MAGI2: variants seen among roughly 807,000 people sequenced by gnomAD.
MAGI2 encodes membrane-associated guanylate kinase, WW and PDZ domain-containing protein 2.
In MAGI2, 35 loss-of-function variants were observed where a neutral mutation model predicts 133.3. The ratio of observed to expected loss-of-function variants is 0.26; its 90% confidence interval spans 0.20 to 0.35. The LOEUF (loss-of-function observed/expected upper bound fraction) is 0.35, where lower values mean the gene tolerates loss of function less well. Among genes scored for constraint, MAGI2 ranks in the 10% least tolerant of loss-of-function variants. The pLI, the probability that MAGI2 is intolerant of heterozygous loss-of-function variation, is 1.00. For missense variants in MAGI2, 1,636 were observed against 1,863.4 expected (o/e 0.88, Z 2.25); for synonymous variants, 729 against 710.6 (o/e 1.03, Z -0.41).
chr7:79,431,473 T>A (rs1457927281), intron 1 of MAGI2, among the ~76,000 whole-genome samples: 1 of 152,220 alleles, frequency 6.6e-6, no homozygotes, highest in Non-Finnish European at 1.5e-5. Context: ...GGGGAATTTT[T>A]AAATCTTTGC....
intron 10 of MAGI2, among the ~76,000 whole-genome samples, chr7:78,220,700 G>C (rs1324872891): frequency 6.6e-6 from 1 of 152,164 alleles, no homozygotes; most frequent in East Asian, 1.9e-4. Flanking sequence ...AAAAATAATA[G>C]AGTGGACTGG....
intron 1 of MAGI2, among the ~76,000 whole-genome samples, chr7:79,268,879 A>G (rs1173608691): frequency 6.6e-6 from 1 of 152,190 alleles, no homozygotes; most frequent in African/African-American, 2.4e-5. Context: ...AGATGATGAC[A>G]GGAGAAGGTT....
intron 1 of MAGI2, among the ~76,000 whole-genome samples, chr7:79,151,757 T>C (rs1823267619): frequency 6.6e-6 from 1 of 152,094 alleles, no homozygotes; most frequent in Non-Finnish European, 1.5e-5. Flanking sequence ...GAGAACAAGG[T>C]GTTTGTGGAG....
At chr7:79,228,301 C>G (rs924751269) in intron 1 of MAGI2, among the ~76,000 whole-genome samples, 10 of 131,184 alleles carry the variant, frequency 7.6e-5, no homozygotes, top group Non-Finnish European at 1.1e-4. Flanking sequence ...TATGATAACA[C>G]CACTGCACCC....
At chr7:78,384,166 T>A (rs1483782261) in intron 6 of MAGI2, among the ~76,000 whole-genome samples, 3 of 152,192 alleles carry the variant, frequency 2.0e-5, no homozygotes, top group Non-Finnish European at 4.4e-5. Context: ...TTGCCCTGAA[T>A]CTGTAGATTG....
chr7:79,219,871 A>T (rs979349177), intron 1 of MAGI2, among the ~76,000 whole-genome samples: 3 of 152,042 alleles, frequency 2.0e-5, no homozygotes, highest in Non-Finnish European at 4.4e-5. Flanking sequence ...TTTGGCCACT[A>T]AATGTATATT....
At chr7:78,250,340 C>T (rs12533275) in intron 10 of MAGI2, among the ~76,000 whole-genome samples, 25,852 of 151,702 alleles carry the variant, frequency 0.17, 2,665 homozygotes, top group East Asian at 0.33. Context: ...ATATCTTAGA[C>T]GGAGTGAAAA....
intron 2 of MAGI2, among the ~76,000 whole-genome samples, chr7:78,886,672 G>C (rs1796296046): frequency 6.6e-6 from 1 of 152,138 alleles, no homozygotes; most frequent in South Asian, 2.1e-4. Flanking sequence ...CTTTCTGTGT[G>C]ACTTTTATAA....
At chr7:78,874,250 A>T (rs1456076765) in intron 2 of MAGI2, among the ~76,000 whole-genome samples, 7 of 152,190 alleles carry the variant, frequency 4.6e-5, no homozygotes, top group Non-Finnish European at 4.4e-5. Flanking sequence ...TATAAATTTC[A>T]ATTTCAAAAT....
chr7:79,397,759 G>T (rs980605072), intron 1 of MAGI2, among the ~76,000 whole-genome samples: 3 of 151,938 alleles, frequency 2.0e-5, no homozygotes, highest in African/African-American at 4.8e-5. Flanking sequence ...TGCTCATTCT[G>T]CCTCCCCCTC....
chr7:78,555,200 G>GGATGGATAGATAGATAGATA (rs1319456396), intron 3 of MAGI2, among the ~76,000 whole-genome samples: 1 of 92,634 alleles, frequency 1.1e-5, no homozygotes, highest in Non-Finnish European at 2.4e-5. Flanking sequence ...TTGGATGGAT[G>GGATGGATAGATAGATAGATA]GATAGATAGA....
chr7:78,222,284 T>C (rs1788911716), intron 10 of MAGI2, among the ~76,000 whole-genome samples: 1 of 152,214 alleles, frequency 6.6e-6, no homozygotes. Context: ...CTGTTTCAAC[T>C]CCTGTACACA....
intron 9 of MAGI2, among the ~76,000 whole-genome samples, chr7:78,341,545 A>G (rs2151180028): frequency 6.6e-6 from 1 of 152,142 alleles, no homozygotes; most frequent in South Asian, 2.1e-4. Context: ...ATCACACTAC[A>G]TGCCTTCCAA....
chr7:79,214,719 A>G (rs1829861587), intron 1 of MAGI2, among the ~76,000 whole-genome samples: 1 of 140,410 alleles, frequency 7.1e-6, no homozygotes, highest in South Asian at 2.1e-4. Context: ...ATAAATATAA[A>G]TATATAAATA....
At chr7:79,312,748 T>A (rs1838385456) in intron 1 of MAGI2, among the ~76,000 whole-genome samples, 1 of 152,200 alleles carries the variant, frequency 6.6e-6, no homozygotes, top group Non-Finnish European at 1.5e-5. Flanking sequence ...GATGGATGAA[T>A]GGCATGAAGA....
At chr7:78,078,763 G>T in intron 21 of MAGI2, 184 bp downstream of exon 21, 1 of 648,540 alleles carries the variant, frequency 1.5e-6, no homozygotes, top group Non-Finnish European at 2.6e-6. Flanking sequence ...TTATTTCCTG[G>T]GCATAAACAT....
chr7:78,684,806 T>C (rs1816096473), intron 2 of MAGI2, among the ~76,000 whole-genome samples: 1 of 152,160 alleles, frequency 6.6e-6, no homozygotes, highest in Non-Finnish European at 1.5e-5. Flanking sequence ...TAACATTCAC[T>C]ATGTTCCACA....
At chr7:78,761,504 C>A (rs1479000671) in intron 2 of MAGI2, among the ~76,000 whole-genome samples, 1 of 146,236 alleles carries the variant, frequency 6.8e-6, no homozygotes, top group Non-Finnish European at 1.5e-5. Context: ...CTTGCTCTGT[C>A]CCCCAGGCTG....
intron 2 of MAGI2, among the ~76,000 whole-genome samples, chr7:78,743,203 T>G (rs1342754564): frequency 6.6e-6 from 1 of 152,192 alleles, no homozygotes; most frequent in Non-Finnish European, 1.5e-5. Context: ...TAGAACCCTA[T>G]AGAGATATAG....
Sources: allele counts gnomAD v4.1 joint callset (sites outside exome capture counted in the v4.1 genomes callset), GRCh38; gene constraint gnomAD v4.1.1; transcripts MANE v1.5; gene names NCBI Gene and HGNC (gene_info 2026-07-23, HGNC 2026-07-21).